CCNE2: variants seen among roughly 807,000 people sequenced by gnomAD.
The protein encoded by CCNE2 is G1/S-specific cyclin-E2.
Under a neutral mutation model 56.8 loss-of-function variants are expected in CCNE2, and 18 were observed. The ratio of observed to expected loss-of-function variants is 0.32; its 90% CI spans 0.22 to 0.47. The LOEUF (loss-of-function observed/expected upper bound fraction) is 0.47. Ranked by LOEUF, CCNE2 falls within the 20% of genes least tolerant of loss-of-function variation. The pLI is 1.00. For missense variants in CCNE2, 371 were observed against 467.1 expected (o/e 0.79, Z 1.90); for synonymous variants, 139 against 149.2 (o/e 0.93, Z 0.50).
intron 10 of CCNE2, 137 bp downstream of exon 10, chr8:94,882,644 G>C: frequency 1.6e-6 from 1 of 637,510 alleles, no homozygotes; most frequent in Non-Finnish European, 2.8e-6. Context: ...ACTTCTAACA[G>C]AAAGATAATT....
At chr8:94,883,907 G>A in intron 9 of CCNE2, 1 of 456,228 alleles carries the variant, frequency 2.2e-6, no homozygotes, top group South Asian at 1.5e-5. Context: ...GAAGGTAGGA[G>A]AAATGGGAGA....
rs1817004966 is a variant in CCNE2, at chr8:94,885,551, T to C, written c.608A>G (p.Tyr203Cys). 6.3e-7 allele frequency: 1 copy of C among 1,578,966 alleles called. No individual in the cohort carries two copies. The highest frequency in any genetic ancestry group is 1.7e-4 in the Middle Eastern group (1 of 5,970). Residue 203 changes from tyrosine to cysteine, a missense_variant, in exon 8 of 12, where the codon TAT becomes TGT. Coordinates refer to ENST00000308108, the MANE Select transcript of CCNE2 (RefSeq NM_057749.3). ...LFIASKLEEIYAPKLQEFAYV... is the reference protein window; with the variant it reads ...LFIASKLEEICAPKLQEFAYV... Reference sequence around the variant, plus strand: ...AGCAAACTCTTGGAGTTTAGGAGCATAGATTTCCTTTAAATTGTAATATTT... The same window carrying C: ...AGCAAACTCTTGGAGTTTAGGAGCACAGATTTCCTTTAAATTGTAATATTT...
rs1817353292 is a variant in CCNE2, at chr8:94,894,065, T to C, written c.69A>G (p.Gln23=). 1.9e-6 allele frequency: 3 copies of C among 1,613,822 alleles called. No homozygotes were observed. The highest frequency in any genetic ancestry group is 2.2e-5 in the East Asian group (1 of 44,882). The part of the protein sequence containing the change: ...QPQPSQTESP[Q]EAQIIQAKKR... ...TCTTGGCCTGGATTATCTGGGCTTC[T>C]TGGGGGGATTCCGTCTGGCTGGGCT... is the stretch of plus-strand genomic sequence containing the variant. Residue 23 remains glutamine (Q), a synonymous_variant, in exon 3 of 12, where the codon CAA becomes CAG. Transcript: ENST00000308108.
intron 7 of CCNE2, among the ~76,000 whole-genome samples, 169 bp from the exon 8 acceptor site, chr8:94,885,727 CTTTT>C (rs747420459): frequency 5.3e-4 from 61 of 114,140 alleles, no homozygotes; most frequent in Non-Finnish European, 9.2e-4. Context: ...CATTTTCTTT[CTTTT>C]TTTTTTTTTT....
chr8:94,881,798 A>G (rs1396391275), intron 11 of CCNE2, 53 bp from the exon 12 acceptor site: 2 of 1,602,616 alleles, frequency 1.2e-6, no homozygotes, highest in Non-Finnish European at 1.7e-6. Context: ...GTCAAACCAG[A>G]CTTCTGGGTA....
intron 7 of CCNE2, among the ~76,000 whole-genome samples, chr8:94,885,867 T>C (rs79478535): frequency 0.034 from 5,122 of 151,858 alleles, 92 homozygotes; most frequent in Non-Finnish European, 0.04. Context: ...TACAGGTGTG[T>C]GCCACTGTGC....
upstream of CCNE2, chr8:94,895,360 G>A (rs1817460373): frequency 1.6e-6 from 1 of 631,906 alleles, no homozygotes; most frequent in Non-Finnish European, 2.0e-6. Flanking sequence ...CCCGCCACCC[G>A]GAGCGGCCGT....
At chr8:94,882,339 A>ACTAT (rs770888764) in intron 10 of CCNE2, 50 bp from the exon 11 acceptor site, 3 of 1,421,294 alleles carry the variant, frequency 2.1e-6, no homozygotes, top group Non-Finnish European at 2.9e-6. Flanking sequence ...TACATCAGAA[A>ACTAT]CTATCTTACA....
chr8:94,891,650 C>A (rs1426932740), intron 5 of CCNE2: 12 of 479,044 alleles, frequency 2.5e-5, no homozygotes, highest in Non-Finnish European at 3.7e-5. Context: ...AACAGCAAAC[C>A]TCTGTCTCCA....
Position 94,882,770 on chromosome 8 carries a change from G to GAGTA in CCNE2, c.943+10_943+11insTACT, listed in dbSNP as rs1563678972. On this transcript the variant is annotated intron_variant, in intron 10 of 11. Transcript: ENST00000308108. ...TGAAAAGGTAAGAAGACAACAAATA[G>GAGTA]AGAGTCTTACCTGAGGCTTTCTTAA... 6.4e-7 allele frequency: 1 copy of GAGTA among 1,555,376 alleles called. No individual in the cohort carries two copies. The highest frequency in any genetic ancestry group is 8.9e-7 in the Non-Finnish European group (1 of 1,126,914).
At chr8:94,883,579 G>A (rs1816915511) in intron 9 of CCNE2, 1 of 184,110 alleles carries the variant, frequency 5.4e-6, no homozygotes, top group Admixed American at 5.4e-5. Flanking sequence ...TGGCTAGAAA[G>A]AGGCATGGTC....
chr8:94,884,341 CTT>C (rs34604138), intron 9 of CCNE2, among the ~76,000 whole-genome samples: 220 of 145,162 alleles, frequency 1.5e-3, no homozygotes, highest in Admixed American at 2.0e-3. Flanking sequence ...GGGATCTCCT[CTT>C]TTTTTTTTTT....
intron 9 of CCNE2, chr8:94,884,047 G>A (rs1056892739): frequency 6.6e-6 from 2 of 304,982 alleles, no homozygotes; most frequent in Non-Finnish European, 1.4e-5. Context: ...TGGGATGCTA[G>A]GAATTCTGGA....
chr8:94,887,078 A>G (rs1331792781), intron 7 of CCNE2, among the ~76,000 whole-genome samples: 3 of 152,254 alleles, frequency 2.0e-5, no homozygotes, highest in Non-Finnish European at 4.4e-5. Flanking sequence ...TCTCAAAATG[A>G]TACCAGCTAT....
chr8:94,890,587 ATATATT>A, intron 5 of CCNE2, 37 bp from the exon 6 acceptor site: 1 of 562,044 alleles, frequency 1.8e-6, no homozygotes, highest in African/African-American at 4.0e-5. Context: ...ATATATATAT[ATATATT>A]TTTTTTTTTT....
intron 8 of CCNE2, 73 bp downstream of exon 8, chr8:94,885,390 T>G: frequency 8.9e-7 from 1 of 1,118,902 alleles, no homozygotes; most frequent in Non-Finnish European, 1.3e-6. Context: ...TATTTGAGAT[T>G]CAATTATAAC....
In CCNE2 at chr8:94,895,172, C is replaced by G; in HGVS notation, c.-27+5G>C. ...ACATCCCCCCTACGCGCAGCAACTC[C>G]TCACCGCCAGACCAGCTACCGCTCG... On this transcript the variant is annotated splice_donor_5th_base_variant and intron_variant, in intron 1 of 11. Coordinates refer to ENST00000308108, the MANE Select transcript of CCNE2 (RefSeq NM_057749.3). 1 of 985,970 alleles carries G rather than the reference C, an allele frequency of 1.0e-6. No individual in the cohort carries two copies. The highest frequency in any genetic ancestry group is 1.2e-6 in the Non-Finnish European group (1 of 830,376). The allele number at this position is 985,970 out of a possible 1,614,324, so 61.1% of individuals were successfully genotyped here.
In CCNE2 at chr8:94,885,117, T is replaced by C. The variant is rs765474635; in HGVS notation, c.781A>G (p.Lys261Glu). Reference protein sequence around the residue: ...LQVDALKDAPKVLLPQYSQET... With the variant: ...LQVDALKDAPEVLLPQYSQET... ...TGAGAATACTGAGGTAGAAGAACTT[T>C]AGGAGCATCTTTAAGAGCATCAACT... Residue 261 changes from lysine to glutamate, a missense_variant, in exon 9 of 12, where the codon AAA (lysine) becomes GAA (glutamate). Transcript: ENST00000308108. The C allele has an allele frequency of 1.1e-5, 17 of 1,613,280 alleles. No individual in the cohort carries two copies. The highest frequency in any genetic ancestry group is 5.0e-5 in the Admixed American group (3 of 60,002).
At chr8:94,891,751 G>C in intron 5 of CCNE2, 1 of 1,025,798 alleles carries the variant, frequency 9.7e-7, no homozygotes, top group Non-Finnish European at 1.5e-6. Flanking sequence ...CAATGGTGGA[G>C]TTGGTAGGTG....
Sources: allele counts gnomAD v4.1 joint callset (sites outside exome capture counted in the v4.1 genomes callset), GRCh38; gene constraint gnomAD v4.1.1; transcripts MANE v1.5; gene names NCBI Gene and HGNC (gene_info 2026-07-23, HGNC 2026-07-21).